The following ADHFE1 variants were observed in gnomAD, a reference collection of about 807,000 sequenced individuals.
The protein encoded by ADHFE1 is hydroxyacid-oxoacid transhydrogenase, mitochondrial.
A neutral mutation model predicts 54.8 loss-of-function variants in ADHFE1; 37 were observed. The observed-to-expected ratio is 0.68, with a 90% CI of 0.52 to 0.89. The LOEUF is 0.89. Ranked by LOEUF, ADHFE1 falls within the 40% of genes least tolerant of loss-of-function variation. ADHFE1 has a pLI of 0.00. For missense variants in ADHFE1, 601 were observed against 591.2 expected, an observed-to-expected ratio of 1.02 and a Z score of -0.17; for synonymous variants, 203 against 229.3, an observed-to-expected ratio of 0.89 and a Z score of 1.04.
chr8:66,434,783 T>C (rs1202238196), intron 1 of ADHFE1, among the ~76,000 whole-genome samples: 1 of 152,126 alleles, frequency 6.6e-6, no homozygotes, highest in East Asian at 1.9e-4. Flanking sequence ...AGAGAGGTTG[T>C]GGGAAGGCCC....
intron 10 of ADHFE1, 53 bp from the exon 11 acceptor site, chr8:66,456,764 G>A (rs756059395): frequency 3.2e-5 from 44 of 1,381,996 alleles, no homozygotes; most frequent in Non-Finnish European, 4.5e-5. Flanking sequence ...TTCTATTGTT[G>A]ACTTGAATTT....
intron 8 of ADHFE1, 138 bp downstream of exon 8, chr8:66,449,108 C>A: frequency 1.3e-6 from 1 of 744,106 alleles, no homozygotes; most frequent in South Asian, 1.8e-5. Context: ...TACCCCCTGT[C>A]CTAAATCAAA....
intron 8 of ADHFE1, 29 bp from the exon 9 acceptor site, chr8:66,451,924 A>T (rs1202249196): frequency 6.2e-7 from 1 of 1,609,822 alleles, no homozygotes; most frequent in Non-Finnish European, 8.5e-7. Context: ...GACGCTTTCC[A>T]TCTGTGTACT....
intron 1 of ADHFE1, among the ~76,000 whole-genome samples, chr8:66,437,031 A>G (rs549269465): frequency 2.4e-4 from 37 of 152,216 alleles, no homozygotes; most frequent in African/African-American, 7.2e-4. Flanking sequence ...TGGTCAGTTG[A>G]GTCGGGGTAA....
rs757238786 is a variant in ADHFE1, at chr8:66,452,112, C to T, written c.887+7C>T. ...TGGCTAAGTATCTGAAGAGGTATGT[C>T]ACCCCGAAGGGGATAGAAATAGAAC... On this transcript the variant is annotated splice_region_variant and intron_variant, in intron 9 of 13. Coordinates refer to ENST00000396623, the MANE Select transcript of ADHFE1 (RefSeq NM_144650.3). 6.2e-7 allele frequency: 1 copy of T among 1,613,720 alleles called. No homozygotes were observed. Among genetic ancestry groups the T allele is most frequent in the East Asian group, 2.2e-5 (1 of 44,878 alleles).
At chr8:66,453,759 C>A in intron 9 of ADHFE1, 2 of 1,395,056 alleles carry the variant, frequency 1.4e-6, no homozygotes, top group South Asian at 2.3e-5. Context: ...TCTCAGGGCA[C>A]CTTCCTGGAG....
chr8:66,465,502 T>G (rs1038789950), intron 13 of ADHFE1, among the ~76,000 whole-genome samples: 1 of 152,238 alleles, frequency 6.6e-6, no homozygotes, highest in Non-Finnish European at 1.5e-5. Flanking sequence ...GCTTATTGGC[T>G]ATGTATATAT....
At chr8:66,467,664 G>A (rs1036552119) in intron 13 of ADHFE1, among the ~76,000 whole-genome samples, 5 of 152,122 alleles carry the variant, frequency 3.3e-5, no homozygotes, top group Non-Finnish European at 1.5e-5. Flanking sequence ...CCCTGTCCCC[G>A]AGAAGCTACT....
At chr8:66,451,183 G>A (rs1166031784) in intron 8 of ADHFE1, among the ~76,000 whole-genome samples, 2 of 152,218 alleles carry the variant, frequency 1.3e-5, no homozygotes, top group Admixed American at 6.5e-5. Flanking sequence ...GTCATGGCAG[G>A]CCAGCAGGTG....
At chr8:66,440,081 G>A (rs1164317898) in intron 1 of ADHFE1, 81 bp from the exon 2 acceptor site, 4 of 1,366,064 alleles carry the variant, frequency 2.9e-6, no homozygotes, top group Non-Finnish European at 4.1e-6. Flanking sequence ...AGACTGCAAT[G>A]TGAGTTAGCT....
intron 3 of ADHFE1, among the ~76,000 whole-genome samples, chr8:66,443,264 ATT>A (rs540464621): frequency 2.0e-3 from 172 of 85,898 alleles, no homozygotes; most frequent in African/African-American, 5.8e-3. Context: ...TAGTCCAGGA[ATT>A]TTTTTTTTTT....
intron 2 of ADHFE1, among the ~76,000 whole-genome samples, chr8:66,441,729 G>T (rs1805754577): frequency 6.6e-6 from 1 of 152,074 alleles, no homozygotes; most frequent in South Asian, 2.1e-4. Context: ...GGGCACGGTG[G>T]CTCACACCCA....
In ADHFE1 at chr8:66,432,569, G is replaced by A; in HGVS notation, c.53G>A (p.Arg18His). Residue 18 changes from arginine (R) to histidine (H), a missense_variant, in exon 1 of 14, where the codon CGC (arginine) becomes CAC (histidine). Transcript: ENST00000396623. ...RVAYLLRQLQRAACQCPTHSH... is the reference protein window; with the variant it reads ...RVAYLLRQLQHAACQCPTHSH... Reference sequence around the variant, plus strand: ...GCGTACTTGCTGAGGCAACTGCAACGCGCAGCGTGAGTGCGGGGCCGGCGG... The same window carrying A: ...GCGTACTTGCTGAGGCAACTGCAACACGCAGCGTGAGTGCGGGGCCGGCGG... The A allele has an allele frequency of 7.5e-7, 1 of 1,342,164 alleles. No homozygotes were observed. Among genetic ancestry groups the A allele is most frequent in the Non-Finnish European group, 9.6e-7 (1 of 1,038,412 alleles). The allele number at this position is 1,342,164 out of a possible 1,614,324, so 83.1% of individuals were successfully genotyped here.
chr8:66,447,102 C>T (rs899508952), intron 6 of ADHFE1, among the ~76,000 whole-genome samples, 162 bp from the exon 7 acceptor site: 1 of 152,194 alleles, frequency 6.6e-6, no homozygotes, highest in Non-Finnish European at 1.5e-5. Flanking sequence ...GGACATCATA[C>T]ATGTTAGGTT....
At chr8:66,433,108 T>A (rs1805287455) in intron 1 of ADHFE1, among the ~76,000 whole-genome samples, 1 of 151,274 alleles carries the variant, frequency 6.6e-6, no homozygotes, top group Non-Finnish European at 1.5e-5. Flanking sequence ...GTACAGGGAG[T>A]CAGGGTATTC....
At chr8:66,453,814 T>G in intron 9 of ADHFE1, 4 of 1,450,840 alleles carry the variant, frequency 2.8e-6, no homozygotes, top group East Asian at 3.3e-5. Flanking sequence ...CCCCCGGCGC[T>G]TTTACATCAC....
chr8:66,446,556 G>A lies in ADHFE1; in HGVS notation c.551-708G>A, dbSNP rs917514861. Among the ~76,000 whole-genome samples, 8 of 152,152 alleles carry A rather than the reference G, an allele frequency of 5.3e-5. No homozygotes were observed. In the East Asian group the frequency reaches 1.3e-3, roughly 26 times the overall value. On this transcript the variant is annotated intron_variant, in intron 6 of 13. Coordinates refer to ENST00000396623, the MANE Select transcript of ADHFE1 (RefSeq NM_144650.3). ...CATACATGTTAACAAAGACACAGAA[G>A]TCATACATGCATGTTAACACAGGTA...
intron 13 of ADHFE1, among the ~76,000 whole-genome samples, chr8:66,462,357 C>G (rs546810070): frequency 5.9e-5 from 9 of 152,310 alleles, no homozygotes; most frequent in African/African-American, 1.9e-4. Context: ...TCAAGTGATC[C>G]TCTGTCCTCA....
At chr8:66,441,749 G>A (rs947058629) in intron 2 of ADHFE1, among the ~76,000 whole-genome samples, 6 of 151,940 alleles carry the variant, frequency 3.9e-5, no homozygotes, top group African/African-American at 1.2e-4. Context: ...ATAATCCTAG[G>A]ACTTTCGGAG....
Sources: gnomAD v4.1 joint callset for allele counts (sites outside exome capture counted in the v4.1 genomes callset) on GRCh38, gnomAD v4.1.1 for gene constraint, MANE v1.5 for transcripts, NCBI Gene and HGNC (gene_info 2026-07-23, HGNC 2026-07-21) for gene names.